The following ABTB2 variants were observed in gnomAD, a reference collection of about 807,000 sequenced individuals.
ABTB2 encodes the protein ankyrin repeat and BTB/POZ domain-containing protein 2.
Under a neutral mutation model 104.1 loss-of-function variants are expected in ABTB2, and 56 were observed. The observed-to-expected ratio is 0.54, with a 90% CI of 0.43 to 0.67. The LOEUF is 0.67. Ranked by LOEUF, ABTB2 falls within the 30% of genes least tolerant of loss-of-function variation. The pLI is 0.00. For missense variants in ABTB2, 1,279 were observed against 1,407.7 expected, an observed-to-expected ratio of 0.91 and a Z score of 1.46; for synonymous variants, 606 against 608.2, an observed-to-expected ratio of 1.00 and a Z score of 0.05.
At chr11:34,326,690 A>C (rs1663658689) in intron 1 of ABTB2, among the ~76,000 whole-genome samples, 1 of 152,172 alleles carries the variant, frequency 6.6e-6, no homozygotes, top group African/African-American at 2.4e-5. Context: ...GAGTAGCCAA[A>C]AACAGAACAA....
intron 1 of ABTB2, among the ~76,000 whole-genome samples, chr11:34,233,511 C>T (rs759402747): frequency 1.3e-5 from 2 of 151,938 alleles, no homozygotes; most frequent in Non-Finnish European, 2.9e-5. Flanking sequence ...CCACCACACC[C>T]AGCTAAGTTT....
chr11:34,304,293 G>A (rs1009868477), intron 1 of ABTB2, among the ~76,000 whole-genome samples: 1 of 152,016 alleles, frequency 6.6e-6, no homozygotes, highest in Non-Finnish European at 1.5e-5. Flanking sequence ...TTCTTTTTAT[G>A]GAGAACAGGA....
At chr11:34,233,369 C>T (rs1853798520) in intron 1 of ABTB2, among the ~76,000 whole-genome samples, 1 of 151,570 alleles carries the variant, frequency 6.6e-6, no homozygotes, top group Non-Finnish European at 1.5e-5. Flanking sequence ...CCTTGTTGCC[C>T]AGGCTGAAGT....
chr11:34,167,823 C>T (rs556706281), intron 6 of ABTB2, 80 bp downstream of exon 6: 447 of 1,445,518 alleles, frequency 3.1e-4, no homozygotes, highest in East Asian at 1.6e-3. Flanking sequence ...CAAAACATCA[C>T]GCCCAGCGTG....
At position 34,318,492 on chromosome 11, in the gene ABTB2, A is replaced by G. The variant is rs201860129; in HGVS notation, c.883+38209T>C. ...AGACCATCTAGAAAAGTCATTCTCA[A>G]CACTTTCCCAAGGAGGAAGCTTGGG... On this transcript the variant is annotated intron_variant, in intron 1 of 16. Coordinates refer to ENST00000435224, the MANE Select transcript of ABTB2 (RefSeq NM_145804.3). 1.2e-4 allele frequency among the ~76,000 whole-genome samples: 19 copies of G among 152,310 alleles called. No homozygotes were observed. In the East Asian group the frequency reaches 3.7e-3, roughly 29 times the overall value.
At chr11:34,172,392 AAAAAT>A (rs1163672769) in intron 4 of ABTB2, among the ~76,000 whole-genome samples, 11 of 48,220 alleles carry the variant, frequency 2.3e-4, no homozygotes, top group African/African-American at 6.4e-4. Context: ...AAAAAAAAAA[AAAAAT>A]ATATATATAT....
At chr11:34,176,695 A>G (rs796353427) in intron 3 of ABTB2, among the ~76,000 whole-genome samples, 29 of 152,356 alleles carry the variant, frequency 1.9e-4, no homozygotes, top group African/African-American at 6.0e-4. Flanking sequence ...CTGAGTGACA[A>G]AAAGTATGGA....
intron 1 of ABTB2, among the ~76,000 whole-genome samples, chr11:34,336,600 A>G (rs528299621): frequency 5.3e-4 from 81 of 152,166 alleles, no homozygotes; most frequent in African/African-American, 1.8e-3. Context: ...CCATGATCGT[A>G]CCACTACACT....
chr11:34,309,219 T>C (rs559877328), intron 1 of ABTB2, among the ~76,000 whole-genome samples: 15 of 152,334 alleles, frequency 9.8e-5, no homozygotes, highest in South Asian at 2.1e-4. Context: ...GTTGATACCA[T>C]TGTCTCTTTC....
intron 1 of ABTB2, among the ~76,000 whole-genome samples, chr11:34,272,733 C>CAAAAAAA (rs1323130706): frequency 5.5e-5 from 7 of 127,620 alleles, no homozygotes; most frequent in African/African-American, 1.8e-4. Flanking sequence ...AAAAAAAAAC[C>CAAAAAAA]AACCAACCAT....
chr11:34,334,649 C>A (rs1373496601), intron 1 of ABTB2, among the ~76,000 whole-genome samples: 1 of 152,200 alleles, frequency 6.6e-6, no homozygotes, highest in Non-Finnish European at 1.5e-5. Context: ...CCTAATCCTT[C>A]CCTTTCCCTC....
chr11:34,275,710 G>C (rs1317373048), intron 1 of ABTB2, among the ~76,000 whole-genome samples: 1 of 152,098 alleles, frequency 6.6e-6, no homozygotes, highest in Non-Finnish European at 1.5e-5. Context: ...AGTTTCCCTG[G>C]GCTACCAGGT....
chr11:34,357,149 G>A lies in ABTB2; in HGVS notation c.435C>T (p.Arg145=), dbSNP rs1190549008. The A allele has an allele frequency of 3.2e-5, 48 of 1,492,356 alleles. No individual in the cohort carries two copies. Among genetic ancestry groups the A allele is most frequent in the Non-Finnish European group, 4.2e-5 (47 of 1,130,024 alleles). 92.4% of individuals were successfully genotyped at this position (1,492,356 alleles called of 1,614,324 possible). A position where few individuals can be genotyped will look rare whatever the true frequency, so the allele number is the denominator to read the frequency against. Residue 145 remains arginine (R), a synonymous_variant, in exon 1 of 17, where the codon CGC becomes CGT. Transcript: ENST00000435224. ...ALIRVAREAQ[R]LSVLHAKCTR... is the part of the protein sequence containing the mutation. ...TGCACTTGGCGTGCAGCACGCTCAGGCGCTGCGCCTCGCGGGCCACGCGGA... is the reference window on the plus strand; with the variant it reads ...TGCACTTGGCGTGCAGCACGCTCAGACGCTGCGCCTCGCGGGCCACGCGGA...
chr11:34,201,116 T>G (rs1853330661), intron 2 of ABTB2, among the ~76,000 whole-genome samples: 1 of 152,174 alleles, frequency 6.6e-6, no homozygotes, highest in Admixed American at 6.5e-5. Context: ...CATGGATAGT[T>G]TGAGAAGGCC....
intron 1 of ABTB2, among the ~76,000 whole-genome samples, chr11:34,235,690 C>A (rs1590225614): frequency 1.3e-5 from 2 of 152,284 alleles, no homozygotes; most frequent in East Asian, 1.9e-4. Flanking sequence ...GGCTTTTAAG[C>A]CACAAGCCAT....
intron 1 of ABTB2, among the ~76,000 whole-genome samples, chr11:34,243,595 C>G (rs1487903625): frequency 6.6e-6 from 1 of 152,210 alleles, no homozygotes; most frequent in Non-Finnish European, 1.5e-5. Context: ...AAAATATGTC[C>G]TAGTCTTACG....
At chr11:34,306,236 AT>A (rs34872949) in intron 1 of ABTB2, among the ~76,000 whole-genome samples, 1,477 of 71,856 alleles carry the variant, frequency 0.021, 3 homozygotes, top group African/African-American at 0.027. Context: ...GGAAAGTTTG[AT>A]TTTTTTTTTT....
chr11:34,190,544 G>C (rs915570271), intron 3 of ABTB2, among the ~76,000 whole-genome samples: 1 of 152,184 alleles, frequency 6.6e-6, no homozygotes, highest in South Asian at 2.1e-4. Flanking sequence ...CCATGGATCC[G>C]CAGGAGTCCA....
intron 1 of ABTB2, among the ~76,000 whole-genome samples, chr11:34,217,927 C>T (rs929518821): frequency 3.3e-5 from 5 of 152,226 alleles, no homozygotes; most frequent in Admixed American, 6.5e-5. Context: ...TGTTGTTCCA[C>T]ATCCTCACCA....
Sources: gnomAD v4.1 joint callset for allele counts (sites outside exome capture counted in the v4.1 genomes callset) on GRCh38, gnomAD v4.1.1 for gene constraint, MANE v1.5 for transcripts, NCBI Gene and HGNC (gene_info 2026-07-23, HGNC 2026-07-21) for gene names.